WNT5A: variants seen among roughly 807,000 people sequenced by gnomAD.
The protein encoded by WNT5A is protein Wnt-5a.
A neutral mutation model predicts 42.1 loss-of-function variants in WNT5A; 9 were observed. The observed-to-expected ratio is 0.21, with a 90% CI of 0.13 to 0.37. The LOEUF (loss-of-function observed/expected upper bound fraction) is 0.37, where lower values mean the gene tolerates loss of function less well. Ranked by LOEUF, WNT5A falls within the 10% of genes least tolerant of loss-of-function variation. The pLI is 1.00. For synonymous variants in WNT5A, 210 were observed against 210.0 expected (o/e 1.00, Z 0.00); for missense variants, 426 against 534.0 (o/e 0.80, Z 1.99).
intron 4 of WNT5A, among the ~76,000 whole-genome samples, chr3:55,470,881 C>T (rs2051238417): frequency 6.6e-6 from 1 of 152,098 alleles, no homozygotes; most frequent in African/African-American, 2.4e-5. Context: ...AGGTTGTTCA[C>T]AATGCATTAC....
In WNT5A at chr3:55,470,285, G is replaced by A. The variant is rs755247138; in HGVS notation, c.950C>T (p.Ser317Leu). 4.3e-6 allele frequency: 7 copies of A among 1,614,062 alleles called. No individual in the cohort carries two copies. The South Asian group carries it at 4.4e-5, about 10-fold the overall frequency. The stretch of plus-strand genomic sequence containing the variant: ...GCACAGGCGGCCCTGCGTGCCCAGC[G>A]AGCCGGTGCTCTCATTGCGCACGCA... The part of the protein sequence containing the change: ...DYCVRNESTG[S>L]LGTQGRLCNK... The change falls in exon 5 of 5, where the codon TCG (serine) becomes TTG (leucine). Residue 317 changes from serine (S) to leucine (L), a missense_variant. Coordinates refer to ENST00000264634, the MANE Select transcript of WNT5A (RefSeq NM_003392.7).
chr3:55,480,172 G>A (rs1039440444), intron 2 of WNT5A, among the ~76,000 whole-genome samples: 25 of 152,054 alleles, frequency 1.6e-4, no homozygotes, highest in Non-Finnish European at 3.4e-4. Flanking sequence ...TCATTTACAG[G>A]GAAAAAAATA....
chr3:55,473,897 G>A (rs2051298140), intron 4 of WNT5A, among the ~76,000 whole-genome samples: 1 of 152,194 alleles, frequency 6.6e-6, no homozygotes, highest in African/African-American at 2.4e-5. Flanking sequence ...TTTTATTTCT[G>A]TGCTCCAGTA....
chr3:55,488,332 C>T (rs1324233491), upstream of WNT5A: 1 of 151,110 alleles, frequency 6.6e-6, no homozygotes, highest in East Asian at 1.9e-4. Flanking sequence ...CCCTCCCACC[C>T]CCCAGCCCTT....
chr3:55,485,012 G>C (rs894880006), intron 1 of WNT5A, among the ~76,000 whole-genome samples: 4 of 152,202 alleles, frequency 2.6e-5, no homozygotes, highest in African/African-American at 9.7e-5. Flanking sequence ...CAGAAGAAGA[G>C]GTACCAACCC....
chr3:55,470,294 C>A lies in WNT5A; in HGVS notation c.941G>T (p.Ser314Ile). Residue 314 changes from serine to isoleucine, a missense_variant, in exon 5 of 5, where the codon AGC becomes ATC. Transcript: ENST00000264634. ...GCCCTGCGTGCCCAGCGAGCCGGTG[C>A]TCTCATTGCGCACGCAGTAGTCAGG... ...PSPDYCVRNESTGSLGTQGRL... is the reference protein window; with the variant it reads ...PSPDYCVRNEITGSLGTQGRL... 6.3e-7 allele frequency: 1 copy of A among 1,582,288 alleles called. No homozygotes were observed. The highest frequency in any genetic ancestry group is 8.7e-7 in the Non-Finnish European group (1 of 1,151,118).
intron 1 of WNT5A, among the ~76,000 whole-genome samples, chr3:55,484,077 G>C (rs184540372): frequency 6.6e-6 from 1 of 152,248 alleles, no homozygotes; most frequent in East Asian, 1.9e-4. Flanking sequence ...TAGGCCCCAA[G>C]TTTCTGGGAG....
chr3:55,495,176 G>A (rs1178114592), upstream of WNT5A, among the ~76,000 whole-genome samples: 2 of 152,150 alleles, frequency 1.3e-5, no homozygotes, highest in Non-Finnish European at 2.9e-5. Context: ...TCACATACTT[G>A]ACATTCTTTT....
rs911208737 is a variant in WNT5A at position 55,483,402 on chromosome 3, C to T, written c.7-2484G>A. Among the ~76,000 whole-genome samples the T allele has an allele frequency of 1.2e-4, 18 of 152,188 alleles. No individual in the cohort carries two copies. The highest frequency in any genetic ancestry group is 4.3e-4 in the African/African-American group (18 of 41,534). On this transcript the variant is annotated intron_variant, in intron 1 of 4. Coordinates refer to ENST00000264634, the MANE Select transcript of WNT5A (RefSeq NM_003392.7). The surrounding 1 kb of genome is among the most constrained non-coding windows in gnomAD (Gnocchi z 4.2). Reference sequence around the variant, plus strand: ...TTTGAGACACTCAAAGAACTCACAGCGAACTCACACATACATCGGCTCTGT... The same window carrying T: ...TTTGAGACACTCAAAGAACTCACAGTGAACTCACACATACATCGGCTCTGT...
chr3:55,493,354 C>T (rs943817136), upstream of WNT5A, among the ~76,000 whole-genome samples: 10 of 152,350 alleles, frequency 6.6e-5, no homozygotes, highest in Middle Eastern at 3.4e-3. Context: ...CTGCCTGCAA[C>T]GCTGTCCCTT....
Position 55,470,482 on chromosome 3 carries a change from T to C in WNT5A, c.753A>G (p.Thr251=). Residue 251 remains threonine, a synonymous_variant, in exon 5 of 5, where the codon ACA becomes ACG. Transcript: ENST00000264634. ...HGVSGSCSLK[T]CWLQLADFRK... ...GGAAGTCTGCCAGCTGCAGCCAGCA[T>C]GTCTTCAGGCTACATGAGCCGGACA... 1 of 1,608,252 alleles carries C rather than the reference T, an allele frequency of 6.2e-7. No individual in the cohort carries two copies. Among genetic ancestry groups the C allele is most frequent in the Non-Finnish European group, 8.5e-7 (1 of 1,177,232 alleles).
At chr3:55,484,435 C>T (rs1206278691) in intron 1 of WNT5A, among the ~76,000 whole-genome samples, 1 of 152,112 alleles carries the variant, frequency 6.6e-6, no homozygotes. Context: ...AGGGTTGTGT[C>T]CACAGCAATA....
At chr3:55,491,871 G>C (rs1030739155), upstream of WNT5A, among the ~76,000 whole-genome samples, 1 of 152,252 alleles carries the variant, frequency 6.6e-6, no homozygotes, top group Non-Finnish European at 1.5e-5. Context: ...CAGGGCCACA[G>C]ATGGAGCCCT....
At chr3:55,494,883 CCA>C, upstream of WNT5A, among the ~76,000 whole-genome samples, 1 of 152,176 alleles carries the variant, frequency 6.6e-6, no homozygotes, top group Admixed American at 6.5e-5. Flanking sequence ...TTCATCCCTT[CCA>C]GATAAGAAGC....
At chr3:55,476,581 A>AT (rs1303410783) in intron 3 of WNT5A, among the ~76,000 whole-genome samples, 2 of 152,250 alleles carry the variant, frequency 1.3e-5, no homozygotes, top group Non-Finnish European at 2.9e-5. Context: ...TATACAGAGC[A>AT]TAAGAAGGCT....
At chr3:55,492,327 T>C (rs1366649478), upstream of WNT5A, among the ~76,000 whole-genome samples, 2 of 152,174 alleles carry the variant, frequency 1.3e-5, no homozygotes, top group Non-Finnish European at 2.9e-5. Flanking sequence ...TGCCTCTTGC[T>C]GACTGAGTGA....
chr3:55,470,778 TGTG>T (rs1440474176), intron 4 of WNT5A, among the ~76,000 whole-genome samples: 1 of 152,166 alleles, frequency 6.6e-6, no homozygotes, highest in African/African-American at 2.4e-5. Context: ...CAACAACAAC[TGTG>T]GTTTTTTAAT....
the WNT5A span, among the ~76,000 whole-genome samples, chr3:55,503,655 C>A: frequency 6.6e-6 from 1 of 152,144 alleles, no homozygotes. Context: ...ACTACTGCAC[C>A]ATCAAAAAAT....
At chr3:55,504,489 G>GA in the WNT5A span, among the ~76,000 whole-genome samples, 2 of 141,840 alleles carry the variant, frequency 1.4e-5, no homozygotes, top group African/African-American at 5.2e-5. Context: ...TTTTTTTTGA[G>GA]AAAAAAAATT....
Sources: gnomAD v4.1 joint callset for allele counts (sites outside exome capture counted in the v4.1 genomes callset) on GRCh38, gnomAD v4.1.1 for gene constraint, Gnocchi (gnomAD v3.1) non-coding constraint, MANE v1.5 for transcripts, NCBI Gene and HGNC (gene_info 2026-07-23, HGNC 2026-07-21) for gene names.